The following NAALADL2 variants were observed in gnomAD, a reference collection of about 807,000 sequenced individuals.
NAALADL2 encodes the protein inactive N-acetylated-alpha-linked acidic dipeptidase-like protein 2.
A neutral mutation model predicts 87.2 loss-of-function variants in NAALADL2; 76 were observed. The observed-to-expected ratio is 0.87, with a 90% confidence interval of 0.72 to 1.05. NAALADL2 has a LOEUF of 1.05. Among genes scored for constraint, NAALADL2 ranks in the 50% least tolerant of loss-of-function variants. The pLI is 0.00. For synonymous variants in NAALADL2, 354 were observed against 331.0 expected, an observed-to-expected ratio of 1.07 and a Z score of -0.75; for missense variants, 1,089 against 945.8, an observed-to-expected ratio of 1.15 and a Z score of -1.99.
At chr3:174,995,849 C>A (rs1747370984) in intron 1 of NAALADL2, among the ~76,000 whole-genome samples, 1 of 150,506 alleles carries the variant, frequency 6.6e-6, no homozygotes, top group Admixed American at 6.6e-5. Context: ...ACGAATAACA[C>A]CCTCCCTCTG....
chr3:174,848,200 T>C (rs1395663989), intron 3 of NAALADL2, among the ~76,000 whole-genome samples: 1 of 152,146 alleles, frequency 6.6e-6, no homozygotes, highest in Non-Finnish European at 1.5e-5. Context: ...TTTTATGACA[T>C]GTAATGCCAA....
At chr3:175,802,154 T>C (rs2075782763) in intron 13 of NAALADL2, among the ~76,000 whole-genome samples, 1 of 152,030 alleles carries the variant, frequency 6.6e-6, no homozygotes, top group African/African-American at 2.4e-5. Flanking sequence ...ATTAATTTTC[T>C]AAAGTGATAA....
intron 5 of NAALADL2, among the ~76,000 whole-genome samples, chr3:175,339,055 G>T (rs1282700761): frequency 6.6e-6 from 1 of 152,224 alleles, no homozygotes; most frequent in Non-Finnish European, 1.5e-5. Flanking sequence ...CAATACAGCA[G>T]AACCCTGAAG....
chr3:174,780,803 G>A (rs1467311604), intron 3 of NAALADL2, among the ~76,000 whole-genome samples: 2 of 152,062 alleles, frequency 1.3e-5, no homozygotes, highest in African/African-American at 2.4e-5. Context: ...TGTTGTGTGT[G>A]AATTTGATCC....
chr3:174,673,593 C>T (rs780982528), intron 2 of NAALADL2, among the ~76,000 whole-genome samples: 4 of 144,434 alleles, frequency 2.8e-5, no homozygotes, highest in South Asian at 2.2e-4. Flanking sequence ...GAACTAAAAG[C>T]GGATCTCATG....
At chr3:174,489,522 C>T (rs1718052776) in intron 1 of NAALADL2, among the ~76,000 whole-genome samples, 1 of 151,796 alleles carries the variant, frequency 6.6e-6, no homozygotes. Context: ...TTTTGTTTTG[C>T]AAATTATACA....
intron 1 of NAALADL2, among the ~76,000 whole-genome samples, chr3:174,540,225 A>T (rs770579823): frequency 3.9e-5 from 6 of 152,130 alleles, no homozygotes; most frequent in Non-Finnish European, 5.9e-5. Context: ...TGCCAGTAGG[A>T]TGTGTAAACA....
intron 3 of NAALADL2, among the ~76,000 whole-genome samples, chr3:174,778,435 T>C (rs1338724034): frequency 8.2e-6 from 1 of 121,758 alleles, no homozygotes; most frequent in Non-Finnish European, 1.9e-5. Flanking sequence ...CACAGAGATT[T>C]ACTAGGGCTA....
rs559048405 is a variant in NAALADL2, at chr3:175,047,687, A to T, written c.44-49103A>T. 3.1e-4 allele frequency among the ~76,000 whole-genome samples: 47 copies of T among 152,240 alleles called. No homozygotes were observed. The South Asian group carries it at 9.5e-3, about 31-fold the overall frequency. On this transcript the variant is annotated intron_variant, in intron 1 of 13. Transcript: ENST00000454872. ...AAATTTTACTAGACTCATCAGATTA[A>T]TTTTTCCTTTAGTATTTTGATAAAC...
chr3:175,061,937 CT>C (rs1181339216), intron 1 of NAALADL2, among the ~76,000 whole-genome samples: 3 of 152,006 alleles, frequency 2.0e-5, no homozygotes, highest in African/African-American at 7.2e-5. Context: ...TTAACCACAA[CT>C]GGAACTCATA....
intron 4 of NAALADL2, among the ~76,000 whole-genome samples, chr3:175,267,886 C>T (rs1254480010): frequency 6.6e-6 from 1 of 152,060 alleles, no homozygotes; most frequent in East Asian, 1.9e-4. Flanking sequence ...CATTCTAAGA[C>T]TTCATTTTGT....
intron 2 of NAALADL2, among the ~76,000 whole-genome samples, chr3:175,203,615 CT>C (rs1331820982): frequency 5.1e-5 from 6 of 116,788 alleles, no homozygotes; most frequent in Non-Finnish European, 1.3e-4. Flanking sequence ...TCTCCTCATG[CT>C]GCTCTGTCCT....
At chr3:175,227,976 TTAAC>T (rs1458249360) in intron 2 of NAALADL2, among the ~76,000 whole-genome samples, 1 of 151,964 alleles carries the variant, frequency 6.6e-6, no homozygotes, top group Non-Finnish European at 1.5e-5. Context: ...AAACTTATGA[TTAAC>T]TATTTGAAAT....
intron 3 of NAALADL2, among the ~76,000 whole-genome samples, chr3:174,762,429 A>C (rs1424261696): frequency 6.7e-6 from 1 of 148,424 alleles, no homozygotes; most frequent in South Asian, 2.2e-4. Flanking sequence ...CTGGGATTAC[A>C]GGCGTGAGCC....
intron 1 of NAALADL2, among the ~76,000 whole-genome samples, chr3:174,973,169 A>G (rs1743924178): frequency 6.6e-6 from 1 of 152,200 alleles, no homozygotes; most frequent in African/African-American, 2.4e-5. Flanking sequence ...GGCAAAAATT[A>G]TAGCTCAGTG....
intron 3 of NAALADL2, among the ~76,000 whole-genome samples, chr3:174,748,762 T>C (rs2109030475): frequency 1.3e-5 from 2 of 152,308 alleles, no homozygotes; most frequent in East Asian, 3.9e-4. Context: ...CCTCTTGATA[T>C]AGTGCAAAAA....
intron 11 of NAALADL2, among the ~76,000 whole-genome samples, chr3:175,726,898 C>T (rs1239386202): frequency 1.3e-5 from 2 of 152,136 alleles, no homozygotes. Context: ...GGTTTCTTGA[C>T]ATCATGAGTT....
chr3:174,751,536 G>A (rs1032695673), intron 3 of NAALADL2, among the ~76,000 whole-genome samples: 8 of 151,718 alleles, frequency 5.3e-5, no homozygotes, highest in Non-Finnish European at 8.8e-5. Flanking sequence ...GGTGGCACAC[G>A]CCTGTAATCC....
chr3:175,551,481 A>G (rs1582365922), intron 9 of NAALADL2, among the ~76,000 whole-genome samples: 1 of 152,202 alleles, frequency 6.6e-6, no homozygotes, highest in East Asian at 1.9e-4. Flanking sequence ...AAAACAGTTC[A>G]TACATAGTTG....
Sources: allele counts gnomAD v4.1 joint callset (sites outside exome capture counted in the v4.1 genomes callset), GRCh38; gene constraint gnomAD v4.1.1; transcripts MANE v1.5; gene names NCBI Gene and HGNC (gene_info 2026-07-23, HGNC 2026-07-21).